Variants in GRM1 observed in about 807,000 individuals in gnomAD.
The protein encoded by GRM1 is glutamate metabotropic receptor 1, also known as metabotropic glutamate receptor 1.
Under a neutral mutation model 90.9 loss-of-function variants are expected in GRM1, and 33 were observed. The observed-to-expected ratio is 0.36, with a 90% CI of 0.28 to 0.49. The LOEUF (loss-of-function observed/expected upper bound fraction) is 0.49, where lower values mean the gene tolerates loss of function less well. GRM1 is among the 20% of genes least tolerant of loss of function. The pLI, the probability that GRM1 is intolerant of heterozygous loss-of-function variation, is 0.99. For missense variants in GRM1, 1,190 were observed against 1,534.3 expected (o/e 0.78, Z 3.75); for synonymous variants, 700 against 613.2 (o/e 1.14, Z -2.09).
At position 146,159,397 on chromosome 6, in the gene GRM1, G is replaced by A; in HGVS notation, c.750G>A (p.Gln250=). ...GMDAFKELAA[Q]EGLCIAHSDK... The stretch of plus-strand genomic sequence containing the variant: ...ACGCTTTCAAAGAGCTGGCTGCCCA[G>A]GAAGGCCTCTGTATCGCCCATTCTG... The change falls in exon 2 of 8, where the codon CAG becomes CAA. Residue 250 remains glutamine, a synonymous_variant. Coordinates refer to ENST00000282753, the MANE Select transcript of GRM1 (RefSeq NM_001278064.2). 6.2e-7 allele frequency: 1 copy of A among 1,614,190 alleles called. No individual in the cohort carries two copies.
intron 3 of GRM1, among the ~76,000 whole-genome samples, chr6:146,316,552 G>A (rs1471554649): frequency 6.6e-6 from 1 of 152,180 alleles, no homozygotes; most frequent in East Asian, 1.9e-4. Flanking sequence ...TTCTACTGCT[G>A]CAGGCTGATT....
intron 5 of GRM1, among the ~76,000 whole-genome samples, chr6:146,375,150 ATTGT>A (rs1776048412): frequency 6.6e-6 from 1 of 152,002 alleles, no homozygotes; most frequent in African/African-American, 2.4e-5. Flanking sequence ...TCAGTAGCAT[ATTGT>A]TTAATTTCCA....
In GRM1 at chr6:146,399,732, TCTTC is replaced by T. The variant is rs1391902279; in HGVS notation, c.2660+37_2660+40del. On this transcript the variant is annotated intron_variant, in intron 7 of 7. Coordinates refer to ENST00000282753, the MANE Select transcript of GRM1 (RefSeq NM_001278064.2). The surrounding 1 kb of genome is among the most constrained non-coding windows in gnomAD (Gnocchi z 5.4). ...ATCTGACCTGTTTGTCTCTCTTTTCTCTTCCTTTCTCTGTCTCTTTCTCTCTCTC... is the reference window on the plus strand; with the variant it reads ...ATCTGACCTGTTTGTCTCTCTTTTCTCTTTCTCTGTCTCTTTCTCTCTCTC... 1 of 1,375,454 alleles carries T rather than the reference TCTTC, an allele frequency of 7.3e-7. No homozygotes were observed. Among genetic ancestry groups the T allele is most frequent in the East Asian group, 2.3e-5 (1 of 42,572 alleles). The allele number at this position is 1,375,454 out of a possible 1,614,324, so 85.2% of individuals were successfully genotyped here. A position where few individuals can be genotyped will look rare whatever the true frequency, so the allele number is the denominator to read the frequency against.
At position 146,251,621 on chromosome 6, in the gene GRM1, G is replaced by T. The variant is rs576828405; in HGVS notation, c.951-52990G>T. Among the ~76,000 whole-genome samples, 6 of 152,324 alleles carry T rather than the reference G, an allele frequency of 3.9e-5. No individual in the cohort carries two copies. The South Asian group carries it at 1.2e-3, about 32-fold the overall frequency. On this transcript the variant is annotated intron_variant, in intron 2 of 7. Coordinates refer to ENST00000282753, the MANE Select transcript of GRM1 (RefSeq NM_001278064.2). The stretch of plus-strand genomic sequence containing the variant: ...AGTTGTTCAGAAGCATGGCATTTAA[G>T]TAAAGACACCTTGTCCATCTAATCT...
At chr6:146,356,812 G>A (rs765816755) in intron 4 of GRM1, among the ~76,000 whole-genome samples, 28 of 152,112 alleles carry the variant, frequency 1.8e-4, no homozygotes, top group Non-Finnish European at 3.8e-4. Flanking sequence ...TATATGGTGT[G>A]TGGTGTATAA....
chr6:146,104,158 C>T (rs1482339168), intron 1 of GRM1, among the ~76,000 whole-genome samples: 2 of 152,072 alleles, frequency 1.3e-5, no homozygotes, highest in African/African-American at 2.4e-5. Context: ...GAGTGGTTGC[C>T]AGCTGGGCGC....
At chr6:146,277,532 C>G (rs962744361) in intron 2 of GRM1, among the ~76,000 whole-genome samples, 2 of 152,168 alleles carry the variant, frequency 1.3e-5, no homozygotes, top group Non-Finnish European at 2.9e-5. Flanking sequence ...AAGATTTGAG[C>G]GAGTTCCCCT....
At chr6:146,260,143 A>T (rs1781636131) in intron 2 of GRM1, among the ~76,000 whole-genome samples, 1 of 151,950 alleles carries the variant, frequency 6.6e-6, no homozygotes, top group Admixed American at 6.6e-5. Context: ...ATTACTCCTA[A>T]TGCTATCCCT....
intron 2 of GRM1, among the ~76,000 whole-genome samples, chr6:146,240,552 C>G (rs1216086591): frequency 1.3e-5 from 2 of 152,088 alleles, no homozygotes; most frequent in Admixed American, 1.3e-4. Flanking sequence ...AAGAATCTCC[C>G]TCTCCTCCTA....
At chr6:146,178,342 A>G (rs1778411639) in intron 2 of GRM1, among the ~76,000 whole-genome samples, 1 of 152,114 alleles carries the variant, frequency 6.6e-6, no homozygotes. Context: ...GTAAAGTGCC[A>G]TTTTCATCAT....
chr6:146,298,256 A>G (rs1343316960), intron 2 of GRM1, among the ~76,000 whole-genome samples: 2 of 152,130 alleles, frequency 1.3e-5, no homozygotes, highest in Non-Finnish European at 1.5e-5. Context: ...TATGGTCCTT[A>G]TTAAGGAACA....
intron 1 of GRM1, among the ~76,000 whole-genome samples, chr6:146,094,591 T>C (rs1158228010): frequency 6.6e-6 from 1 of 152,158 alleles, no homozygotes; most frequent in Non-Finnish European, 1.5e-5. Flanking sequence ...CCTGTGTATG[T>C]GTAATTAATC....
chr6:146,368,997 A>AT (rs561138359), intron 5 of GRM1, among the ~76,000 whole-genome samples: 70 of 152,012 alleles, frequency 4.6e-4, no homozygotes, highest in South Asian at 1.2e-3. Context: ...TTGTTGAGAG[A>AT]TTTTTATTAC....
Position 146,435,701 on chromosome 6 carries a change from G to T in GRM1, c.*905G>T, listed in dbSNP as rs1778575201. 6.6e-6 allele frequency: 1 copy of T among 152,588 alleles called. No homozygotes were observed. The allele number at this position is 152,588 out of a possible 1,614,324, so 9.5% of individuals were successfully genotyped here. On this transcript the variant is annotated 3_prime_UTR_variant, in exon 8 of 8. Transcript: ENST00000282753. ...GGGGAAAAGGCCGGAACAAGAGATTGTTACGAGAGTGGCAGAAACCCTTTT... is the reference window on the plus strand; with the variant it reads ...GGGGAAAAGGCCGGAACAAGAGATTTTTACGAGAGTGGCAGAAACCCTTTT...
intron 1 of GRM1, among the ~76,000 whole-genome samples, chr6:146,139,533 C>T (rs1277410841): frequency 9.2e-5 from 14 of 152,166 alleles, no homozygotes; most frequent in Admixed American, 1.3e-4. Flanking sequence ...GTTATATCCT[C>T]TTGGTGAATT....
chr6:146,096,935 C>T (rs1389314142), intron 1 of GRM1, among the ~76,000 whole-genome samples: 1 of 151,912 alleles, frequency 6.6e-6, no homozygotes, highest in Non-Finnish European at 1.5e-5. Flanking sequence ...TTTTTTTTCA[C>T]AGATTGTTGC....
chr6:146,172,095 G>GA lies in GRM1; in HGVS notation c.950+12507dup, dbSNP rs112361809. 9.4e-4 allele frequency among the ~76,000 whole-genome samples: 142 copies of GA among 150,758 alleles called. 1 individual carries two copies. In the East Asian group the frequency reaches 0.013, roughly 14 times the overall value. On this transcript the variant is annotated intron_variant, in intron 2 of 7. Transcript: ENST00000282753. ...CACTATTAAAGATATGCTTTACTCA[G>GA]AAAAAAAAAGACAAAAAAGCTCTGG...
At chr6:146,286,060 A>G (rs1782757223) in intron 2 of GRM1, among the ~76,000 whole-genome samples, 1 of 152,164 alleles carries the variant, frequency 6.6e-6, no homozygotes, top group Non-Finnish European at 1.5e-5. Context: ...TTATACTGTC[A>G]TTGTAATTAA....
chr6:146,362,917 G>A (rs190042474), intron 5 of GRM1, among the ~76,000 whole-genome samples: 220 of 152,068 alleles, frequency 1.4e-3, no homozygotes, highest in Non-Finnish European at 2.5e-3. Context: ...TTCTCATTAC[G>A]ACCTAAGATA....
Sources: allele counts gnomAD v4.1 joint callset (sites outside exome capture counted in the v4.1 genomes callset), GRCh38; gene constraint gnomAD v4.1.1; non-coding constraint Gnocchi (gnomAD v3.1); transcripts MANE v1.5; gene names NCBI Gene and HGNC (gene_info 2026-07-23, HGNC 2026-07-21).